Variants in CA13 observed in about 807,000 individuals in gnomAD.
CA13 encodes CA-XIII.
A neutral mutation model predicts 31.5 loss-of-function variants in CA13; 21 were observed. That is an observed-to-expected ratio of 0.67 (90% CI 0.47 to 0.96). The LOEUF is 0.96. CA13 is among the 40% of genes least tolerant of loss of function. The pLI, the probability that CA13 is intolerant of heterozygous loss-of-function variation, is 0.00. For missense variants in CA13, 315 were observed against 318.9 expected (o/e 0.99, Z 0.09); for synonymous variants, 117 against 111.4 (o/e 1.05, Z -0.32).
intron 6 of CA13, among the ~76,000 whole-genome samples, 153 bp from the exon 7 acceptor site, chr8:85,281,077 A>G (rs1464579525): frequency 2.6e-5 from 4 of 152,198 alleles, no homozygotes; most frequent in African/African-American, 9.7e-5. Flanking sequence ...GAATTTAGCA[A>G]AAGAGTTGCT....
intron 2 of CA13, among the ~76,000 whole-genome samples, chr8:85,252,967 CAG>C (rs1163584476): frequency 6.7e-6 from 1 of 149,906 alleles, no homozygotes; most frequent in Non-Finnish European, 1.5e-5. Flanking sequence ...TTTTTTGAGA[CAG>C]AGTTTCACTC....
At chr8:85,263,064 C>A (rs13258189) in intron 3 of CA13, among the ~76,000 whole-genome samples, 152,298 of 152,300 alleles carry the variant, frequency 1, 76,148 homozygotes, top group Middle Eastern at 1. Flanking sequence ...TTGAGACTGA[C>A]TGATAAGAAG....
At chr8:85,258,103 C>T (rs548859759) in intron 2 of CA13, among the ~76,000 whole-genome samples, 102 of 151,466 alleles carry the variant, frequency 6.7e-4, no homozygotes, top group African/African-American at 2.4e-3. Flanking sequence ...TGGGCTCAAG[C>T]GATCCTCCCT....
Position 85,281,795 on chromosome 8 carries a change from G to T in CA13, c.*446G>T. 1 of 153,956 alleles carries T rather than the reference G, an allele frequency of 6.5e-6. No individual in the cohort carries two copies. Among genetic ancestry groups the T allele is most frequent in the South Asian group, 2.0e-4 (1 of 4,976 alleles). 9.5% of individuals were successfully genotyped at this position (153,956 alleles called of 1,614,324 possible). On this transcript the variant is annotated 3_prime_UTR_variant, in exon 7 of 7. Transcript: ENST00000321764. ...TGCCTCTCAAAGTGCTGGGATTTCAGGCATGGGTCATCAAGCCCAGCTGAC... is the reference window on the plus strand; with the variant it reads ...TGCCTCTCAAAGTGCTGGGATTTCATGCATGGGTCATCAAGCCCAGCTGAC...
intron 6 of CA13, among the ~76,000 whole-genome samples, chr8:85,279,292 T>G (rs1807663096): frequency 6.6e-6 from 1 of 152,026 alleles, no homozygotes; most frequent in African/African-American, 2.4e-5. Flanking sequence ...TGGAACCACA[T>G]AAGGGGATAA....
At chr8:85,274,494 T>C (rs1013609313) in intron 6 of CA13, among the ~76,000 whole-genome samples, 11 of 152,336 alleles carry the variant, frequency 7.2e-5, no homozygotes, top group African/African-American at 2.6e-4. Context: ...GACTGATACA[T>C]GGGCTACTTT....
chr8:85,276,914 A>G (rs935037650), intron 6 of CA13, among the ~76,000 whole-genome samples: 5 of 152,074 alleles, frequency 3.3e-5, no homozygotes, highest in African/African-American at 1.2e-4. Context: ...CACACCAATC[A>G]GCACCCTGTG....
In CA13 at chr8:85,266,189, T is replaced by A. The variant is rs11989068; in HGVS notation, c.355-419T>A. ...CTGTGAAGGATGTTCAAGGCTTTTT[T>A]AAAAATTTATTTATTTTCTGATATG... is the stretch of plus-strand genomic sequence containing the variant. On this transcript the variant is annotated intron_variant, in intron 3 of 6. Coordinates refer to ENST00000321764, the MANE Select transcript of CA13 (RefSeq NM_198584.3). Among the ~76,000 whole-genome samples the A allele has an allele frequency of 3.2e-3, 489 of 152,318 alleles. 3 individuals are homozygous for A. The highest frequency in any genetic ancestry group is 0.011 in the African/African-American group (466 of 41,574).
At position 85,277,806 on chromosome 8, in the gene CA13, A is replaced by G. The variant is rs559597192; in HGVS notation, c.670-3424A>G. ...TGTAAACAGGAAGTGTCCCAGTCTG[A>G]CGTGACTGCTGCGTAGTACCTGGAC... On this transcript the variant is annotated intron_variant, in intron 6 of 6. Transcript: ENST00000321764. Among the ~76,000 whole-genome samples, 29 of 152,208 alleles carry G rather than the reference A, an allele frequency of 1.9e-4. 1 individual carries two copies. The highest frequency in any genetic ancestry group is 7.0e-4 in the African/African-American group (29 of 41,516).
At chr8:85,276,848 C>G (rs1807618646) in intron 6 of CA13, among the ~76,000 whole-genome samples, 1 of 151,826 alleles carries the variant, frequency 6.6e-6, no homozygotes, top group Non-Finnish European at 1.5e-5. Context: ...TTATGTCTAG[C>G]TAAGGGATTG....
intron 2 of CA13, among the ~76,000 whole-genome samples, chr8:85,254,866 A>G (rs892003673): frequency 1.3e-5 from 2 of 151,120 alleles, no homozygotes; most frequent in African/African-American, 2.4e-5. Context: ...ATTAATTTGA[A>G]TAAAACAGTT....
chr8:85,253,377 G>C (rs892381353), intron 2 of CA13, among the ~76,000 whole-genome samples: 3 of 151,976 alleles, frequency 2.0e-5, no homozygotes, highest in African/African-American at 7.3e-5. Flanking sequence ...CAATCCTCCT[G>C]CCTCAGCCTC....
At chr8:85,276,257 C>T (rs1188868556) in intron 6 of CA13, among the ~76,000 whole-genome samples, 3 of 152,198 alleles carry the variant, frequency 2.0e-5, no homozygotes. Flanking sequence ...TGCCTTCCTC[C>T]CCCCGGGGCA....
At chr8:85,269,113 G>T (rs1056741863) in intron 6 of CA13, among the ~76,000 whole-genome samples, 1 of 152,202 alleles carries the variant, frequency 6.6e-6, no homozygotes, top group Non-Finnish European at 1.5e-5. Flanking sequence ...AGAAATGTGT[G>T]CCTGCTAAGT....
intron 6 of CA13, among the ~76,000 whole-genome samples, chr8:85,276,147 C>T (rs974235637): frequency 2.0e-5 from 3 of 152,152 alleles, no homozygotes; most frequent in Admixed American, 6.5e-5. Context: ...CGGTGGGTCC[C>T]GCACTCGGAG....
intron 2 of CA13, among the ~76,000 whole-genome samples, chr8:85,257,534 A>G (rs1346351357): frequency 6.6e-6 from 1 of 151,712 alleles, no homozygotes; most frequent in Non-Finnish European, 1.5e-5. Flanking sequence ...CAGCCTAGGC[A>G]ATATGATGAA....
intron 3 of CA13, among the ~76,000 whole-genome samples, chr8:85,261,521 G>A (rs1193520684): frequency 6.6e-6 from 1 of 152,020 alleles, no homozygotes; most frequent in East Asian, 1.9e-4. Context: ...CTGCCTCCTG[G>A]GTTCAAGTGC....
chr8:85,275,960 C>T (rs962343608), intron 6 of CA13, among the ~76,000 whole-genome samples: 2 of 152,238 alleles, frequency 1.3e-5, no homozygotes, highest in South Asian at 2.1e-4. Flanking sequence ...CCCACTTTGG[C>T]GGCACTTGAG....
intron 6 of CA13, among the ~76,000 whole-genome samples, chr8:85,277,689 A>G (rs1275638452): frequency 6.6e-6 from 1 of 152,164 alleles, no homozygotes; most frequent in African/African-American, 2.4e-5. Flanking sequence ...TGGAGCAACA[A>G]GAGGTTTTAA....
Sources: allele counts gnomAD v4.1 joint callset (sites outside exome capture counted in the v4.1 genomes callset), GRCh38; gene constraint gnomAD v4.1.1; transcripts MANE v1.5; gene names NCBI Gene and HGNC (gene_info 2026-07-23, HGNC 2026-07-21).